The following TNIK variants were observed in gnomAD, a reference collection of about 807,000 sequenced individuals.
TNIK encodes the protein TRAF2 and NCK interacting kinase, also known as TRAF2 and NCK-interacting protein kinase.
In TNIK, 49 loss-of-function variants were observed where a neutral mutation model predicts 191.3. The observed-to-expected ratio is 0.26, with a 90% confidence interval of 0.20 to 0.32. The LOEUF (loss-of-function observed/expected upper bound fraction) is 0.32. TNIK is among the 10% of genes least tolerant of loss of function. The pLI is 1.00. For missense variants in TNIK, 1,155 were observed against 1,702.3 expected (o/e 0.68, Z 5.66); for synonymous variants, 594 against 600.9 (o/e 0.99, Z 0.17).
At chr3:171,247,970 T>A (rs1329694630) in intron 2 of TNIK, among the ~76,000 whole-genome samples, 5 of 151,990 alleles carry the variant, frequency 3.3e-5, no homozygotes, top group Non-Finnish European at 5.9e-5. Flanking sequence ...AGTCCTGAGG[T>A]CTCGCTGAAG....
intron 1 of TNIK, among the ~76,000 whole-genome samples, chr3:171,440,290 C>T (rs6774413): frequency 0.4 from 61,079 of 152,098 alleles, 13,683 homozygotes; most frequent in East Asian, 0.93. Context: ...GTAACAGTAA[C>T]AGTAAACATA....
chr3:171,268,448 G>A (rs923693259), intron 2 of TNIK, among the ~76,000 whole-genome samples: 15 of 151,864 alleles, frequency 9.9e-5, no homozygotes, highest in African/African-American at 3.6e-4. Context: ...TCCCTACTCT[G>A]CTACTTGGCT....
chr3:171,318,989 A>G (rs1040980560), intron 2 of TNIK, among the ~76,000 whole-genome samples: 1 of 152,056 alleles, frequency 6.6e-6, no homozygotes, highest in African/African-American at 2.4e-5. Context: ...AAATAGCAAG[A>G]CCCTGTCTAC....
intron 2 of TNIK, among the ~76,000 whole-genome samples, chr3:171,367,803 T>C (rs905227299): frequency 6.6e-6 from 1 of 152,148 alleles, no homozygotes; most frequent in Non-Finnish European, 1.5e-5. Flanking sequence ...CATTCTCATT[T>C]GACTAATACA....
At chr3:171,238,474 C>T (rs995928978) in intron 2 of TNIK, among the ~76,000 whole-genome samples, 6 of 151,788 alleles carry the variant, frequency 4.0e-5, no homozygotes, top group Admixed American at 1.3e-4. Flanking sequence ...TGGTTTTCAG[C>T]GGGGCAACTT....
At chr3:171,154,946 C>T (rs973273441) in intron 12 of TNIK, among the ~76,000 whole-genome samples, 1 of 152,196 alleles carries the variant, frequency 6.6e-6, no homozygotes, top group Non-Finnish European at 1.5e-5. Context: ...AATATACAGA[C>T]ACTGATTTAG....
intron 27 of TNIK, 77 bp downstream of exon 27, chr3:171,082,170 GAACT>G (rs1720778154): frequency 3.3e-6 from 5 of 1,530,262 alleles, no homozygotes; most frequent in South Asian, 1.3e-5. Flanking sequence ...GGGAAGGGCA[GAACT>G]AACTGTTTCT....
intron 3 of TNIK, among the ~76,000 whole-genome samples, chr3:171,223,974 C>T (rs915521198): frequency 2.6e-5 from 4 of 152,096 alleles, no homozygotes; most frequent in Admixed American, 6.6e-5. Flanking sequence ...TCAGTCCCTG[C>T]GGTAGGTTCC....
At chr3:171,076,758 T>C (rs184449249) in intron 28 of TNIK, among the ~76,000 whole-genome samples, 1 of 152,272 alleles carries the variant, frequency 6.6e-6, no homozygotes, top group Non-Finnish European at 1.5e-5. Context: ...TGCAACTCTT[T>C]CAACTACTTC....
chr3:171,406,969 A>G (rs1027579758), intron 1 of TNIK, among the ~76,000 whole-genome samples: 1 of 152,264 alleles, frequency 6.6e-6, no homozygotes, highest in African/African-American at 2.4e-5. Context: ...GGGGCAGAGA[A>G]GGCCCCTCAG....
At chr3:171,273,340 G>A (rs2109203943) in intron 2 of TNIK, among the ~76,000 whole-genome samples, 1 of 152,254 alleles carries the variant, frequency 6.6e-6, no homozygotes, top group East Asian at 1.9e-4. Flanking sequence ...TACTGTAGTG[G>A]GCCTGGTGTT....
At chr3:171,397,731 A>G (rs1456102446) in intron 1 of TNIK, among the ~76,000 whole-genome samples, 2 of 152,262 alleles carry the variant, frequency 1.3e-5, no homozygotes, top group African/African-American at 4.8e-5. Context: ...AGGCTTGTAT[A>G]TTATAATTTC....
intron 2 of TNIK, among the ~76,000 whole-genome samples, chr3:171,231,406 A>G (rs1743627694): frequency 6.6e-6 from 1 of 151,744 alleles, no homozygotes; most frequent in African/African-American, 2.4e-5. Context: ...TTTAAATTTC[A>G]TTTCCCGGCT....
At chr3:171,218,871 T>TATA (rs1229448311) in intron 3 of TNIK, among the ~76,000 whole-genome samples, 2 of 133,258 alleles carry the variant, frequency 1.5e-5, no homozygotes, top group Non-Finnish European at 1.6e-5. Flanking sequence ...AATATAAATA[T>TATA]ATTTTATTTT....
At chr3:171,075,129 A>G (rs1378804704) in intron 28 of TNIK, among the ~76,000 whole-genome samples, 1 of 152,186 alleles carries the variant, frequency 6.6e-6, no homozygotes, top group Non-Finnish European at 1.5e-5. Flanking sequence ...ATTTTGCATT[A>G]TTTCCTGCAA....
Position 171,126,103 on chromosome 3 carries a change from A to G in TNIK, c.1822T>C (p.Ser608Pro). Residue 608 changes from serine to proline, a missense_variant, in exon 17 of 33, where the codon TCC becomes CCC. Ser to Pro is a moderately conservative substitution (Grantham distance 74, BLOSUM62 -1). This residue lies in a region of TNIK where 735 missense variants were observed against 848.0 expected (regional missense o/e 0.87). Coordinates refer to ENST00000436636, the MANE Select transcript of TNIK (RefSeq NM_015028.4). ...VKSQGPALTA[S>P]QSVHEQPTKG... The stretch of plus-strand genomic sequence containing the variant: ...GTGGGCTGCTCGTGCACTGACTGGG[A>G]GGCGGTCAAGGCAGGTCCCTGGGAT... 1 of 1,584,714 alleles carries G rather than the reference A, an allele frequency of 6.3e-7. No homozygotes were observed. The highest frequency in any genetic ancestry group is 8.6e-7 in the Non-Finnish European group (1 of 1,165,848).
intron 1 of TNIK, among the ~76,000 whole-genome samples, chr3:171,380,817 G>T (rs1281929350): frequency 6.6e-6 from 1 of 152,236 alleles, no homozygotes; most frequent in Admixed American, 6.5e-5. Context: ...GGGAAATATT[G>T]GCTGGTTGAT....
intron 2 of TNIK, among the ~76,000 whole-genome samples, chr3:171,299,423 T>C (rs1010181230): frequency 6.6e-6 from 1 of 151,758 alleles, no homozygotes; most frequent in Non-Finnish European, 1.5e-5. Flanking sequence ...GGCTTGTTGT[T>C]GCCTTGCCAG....
chr3:171,407,577 C>A (rs763397655), intron 1 of TNIK, among the ~76,000 whole-genome samples: 7 of 152,176 alleles, frequency 4.6e-5, no homozygotes, highest in Non-Finnish European at 8.8e-5. Context: ...GGAGGGGCCA[C>A]TAAGACAACA....
Sources: allele counts gnomAD v4.1 joint callset (sites outside exome capture counted in the v4.1 genomes callset), GRCh38; gene constraint gnomAD v4.1.1; regional missense constraint gnomAD v4.1.1; transcripts MANE v1.5; gene names NCBI Gene and HGNC (gene_info 2026-07-23, HGNC 2026-07-21).